Variants in SYT9 observed in about 807,000 individuals in gnomAD.
SYT9 encodes the protein synaptotagmin-9.
A neutral mutation model predicts 48.4 loss-of-function variants in SYT9; 22 were observed. The ratio of observed to expected loss-of-function variants is 0.45; its 90% CI spans 0.32 to 0.65. The LOEUF (loss-of-function observed/expected upper bound fraction) is 0.65. Among genes scored for constraint, SYT9 ranks in the 30% least tolerant of loss-of-function variants. The probability of loss-of-function intolerance (pLI) is 0.03; values close to 1 mark genes in which losing one functional copy is unlikely to be tolerated. For missense variants in SYT9, 577 were observed against 622.0 expected (o/e 0.93, Z 0.77); for synonymous variants, 265 against 245.0 (o/e 1.08, Z -0.76).
intron 3 of SYT9, among the ~76,000 whole-genome samples, chr11:7,384,809 C>G (rs1850627250): frequency 6.6e-6 from 1 of 152,166 alleles, no homozygotes; most frequent in South Asian, 2.1e-4. Context: ...CTGACCTCAT[C>G]ATTTTCAATC....
intron 6 of SYT9, among the ~76,000 whole-genome samples, chr11:7,446,531 C>CA (rs1217254518): frequency 6.6e-6 from 1 of 152,186 alleles, no homozygotes; most frequent in African/African-American, 2.4e-5. Context: ...CCAGTGACAA[C>CA]ATGACAACTT....
rs146209353 is a variant in SYT9, at chr11:7,261,390, C to T, written c.145+9059C>T. On this transcript the variant is annotated intron_variant, in intron 1 of 6. Coordinates refer to ENST00000318881, the MANE Select transcript of SYT9 (RefSeq NM_175733.4). ...TAGGGGATGCCAGTTATTTGCTCAC[C>T]ATATATTTATTGAGCATCTACTAAG... 1.7e-3 allele frequency among the ~76,000 whole-genome samples: 251 copies of T among 152,072 alleles called. 1 individual carries two copies. The highest frequency in any genetic ancestry group is 5.8e-3 in the African/African-American group (239 of 41,480).
intron 1 of SYT9, among the ~76,000 whole-genome samples, chr11:7,269,038 A>G (rs941589734): frequency 2.0e-5 from 3 of 152,128 alleles, no homozygotes; most frequent in Non-Finnish European, 4.4e-5. Context: ...GCCTGGCTAT[A>G]TCATAGCACG....
intron 3 of SYT9, among the ~76,000 whole-genome samples, chr11:7,350,109 G>T (rs2134002027): frequency 6.6e-6 from 1 of 152,296 alleles, no homozygotes. Flanking sequence ...GCTGAATAAG[G>T]ATCAGGCTGG....
At chr11:7,341,490 C>G (rs892610326) in intron 3 of SYT9, among the ~76,000 whole-genome samples, 1 of 152,180 alleles carries the variant, frequency 6.6e-6, no homozygotes, top group Non-Finnish European at 1.5e-5. Flanking sequence ...CCCCTGCACA[C>G]GTTCTCTTAC....
intron 1 of SYT9, among the ~76,000 whole-genome samples, chr11:7,260,869 T>G (rs1848065552): frequency 6.6e-6 from 1 of 152,228 alleles, no homozygotes; most frequent in Non-Finnish European, 1.5e-5. Flanking sequence ...ATATAATTCC[T>G]GACTATGCCA....
At chr11:7,275,643 A>T (rs1421349781) in intron 1 of SYT9, among the ~76,000 whole-genome samples, 1 of 152,188 alleles carries the variant, frequency 6.6e-6, no homozygotes, top group Admixed American at 6.5e-5. Context: ...TTCAAGATTC[A>T]TATTCCAGCC....
chr11:7,291,316 G>T (rs1026069537), intron 1 of SYT9, among the ~76,000 whole-genome samples: 4 of 152,162 alleles, frequency 2.6e-5, no homozygotes, highest in Admixed American at 1.3e-4. Context: ...GCAAATGTTA[G>T]GACATGGTTT....
chr11:7,377,739 G>A (rs1032261953), intron 3 of SYT9, among the ~76,000 whole-genome samples: 7 of 152,120 alleles, frequency 4.6e-5, no homozygotes, highest in Admixed American at 3.9e-4. Context: ...CGCCACACAA[G>A]AGAAGAGAAT....
intron 6 of SYT9, chr11:7,444,299 ACTT>A (rs1847890553): frequency 6.6e-6 from 1 of 152,258 alleles, no homozygotes; most frequent in Non-Finnish European, 1.5e-5. Flanking sequence ...TTGGGAATGA[ACTT>A]CTTCAAGGGC....
At chr11:7,374,660 C>T (rs562952377) in intron 3 of SYT9, among the ~76,000 whole-genome samples, 33 of 152,274 alleles carry the variant, frequency 2.2e-4, no homozygotes, top group African/African-American at 6.3e-4. Flanking sequence ...TTTCTTTTCT[C>T]GAATGACCAA....
intron 2 of SYT9, among the ~76,000 whole-genome samples, chr11:7,311,657 A>G (rs943812541): frequency 8.5e-5 from 13 of 152,198 alleles, no homozygotes; most frequent in African/African-American, 2.2e-4. Flanking sequence ...CTGATGCAGG[A>G]CCCAATTATG....
rs184622375 is a variant in SYT9 at position 7,342,510 on chromosome 11, C to G, written c.1044+28569C>G. Among the ~76,000 whole-genome samples, 27 of 152,340 alleles carry G rather than the reference C, an allele frequency of 1.8e-4. No homozygotes were observed. The Middle Eastern group carries it at 0.02, about 115-fold the overall frequency. The stretch of plus-strand genomic sequence containing the variant: ...GATATCCTGTCTCATATCCATGTCT[C>G]ATATCCAGGTCACACTAATGCAAGA... On this transcript the variant is annotated intron_variant, in intron 3 of 6. Coordinates refer to ENST00000318881, the MANE Select transcript of SYT9 (RefSeq NM_175733.4).
intron 3 of SYT9, among the ~76,000 whole-genome samples, chr11:7,370,727 A>G (rs1196369083): frequency 6.6e-6 from 1 of 152,176 alleles, no homozygotes; most frequent in Non-Finnish European, 1.5e-5. Context: ...AATGTTGTCA[A>G]GTTGGGATAA....
chr11:7,370,683 G>C (rs1291965225), intron 3 of SYT9, among the ~76,000 whole-genome samples: 3 of 152,126 alleles, frequency 2.0e-5, no homozygotes, highest in Non-Finnish European at 4.4e-5. Context: ...ATATTGAAAA[G>C]TGCTGATATT....
intron 3 of SYT9, among the ~76,000 whole-genome samples, chr11:7,374,095 T>A (rs1453212232): frequency 6.6e-6 from 1 of 151,912 alleles, no homozygotes; most frequent in Non-Finnish European, 1.5e-5. Context: ...CAACAGGCCC[T>A]GGTGTGTGAT....
chr11:7,372,282 G>T (rs1018694221), intron 3 of SYT9, among the ~76,000 whole-genome samples: 13 of 151,862 alleles, frequency 8.6e-5, no homozygotes, highest in African/African-American at 1.9e-4. Context: ...TTTATGTGGG[G>T]TTTTTTTGCT....
chr11:7,400,741 T>C (rs1271049236), intron 3 of SYT9, among the ~76,000 whole-genome samples: 5 of 152,324 alleles, frequency 3.3e-5, no homozygotes, highest in African/African-American at 1.2e-4. Flanking sequence ...AAAGCCATTC[T>C]AGCAGAATGC....
At chr11:7,404,776 A>G (rs1353068902) in intron 3 of SYT9, among the ~76,000 whole-genome samples, 1 of 152,158 alleles carries the variant, frequency 6.6e-6, no homozygotes, top group Non-Finnish European at 1.5e-5. Flanking sequence ...TTTCTGAAGG[A>G]AATTCATAAA....
Sources: allele counts gnomAD v4.1 joint callset (sites outside exome capture counted in the v4.1 genomes callset), GRCh38; gene constraint gnomAD v4.1.1; transcripts MANE v1.5; gene names NCBI Gene and HGNC (gene_info 2026-07-23, HGNC 2026-07-21).